The following NUP205 variants were observed in gnomAD, a reference collection of about 807,000 sequenced individuals.
The protein encoded by NUP205 is nucleoporin 205, also known as nuclear pore complex protein Nup205.
A neutral mutation model predicts 253.8 loss-of-function variants in NUP205; 76 were observed. That is an observed-to-expected ratio of 0.30 (90% CI 0.25 to 0.36). The LOEUF (loss-of-function observed/expected upper bound fraction) is 0.36, where lower values mean the gene tolerates loss of function less well. NUP205 is among the 10% of genes least tolerant of loss of function. The probability of loss-of-function intolerance (pLI) is 1.00; values close to 1 mark genes in which losing one functional copy is unlikely to be tolerated. For synonymous variants in NUP205, 832 were observed against 850.1 expected (o/e 0.98, Z 0.37); for missense variants, 2,162 against 2,425.5 (o/e 0.89, Z 2.28).
chr7:135,624,920 G>A (rs776431722), intron 31 of NUP205, among the ~76,000 whole-genome samples: 11 of 152,098 alleles, frequency 7.2e-5, no homozygotes, highest in African/African-American at 1.4e-4. Context: ...CTAGTTTAAC[G>A]TGTTAGGTTT....
rs575934909 is a variant in NUP205, at chr7:135,603,404, C to T, written c.2702+410C>T. 2.2e-4 allele frequency among the ~76,000 whole-genome samples: 34 copies of T among 151,128 alleles called. 1 individual carries two copies. The South Asian group carries it at 6.7e-3, about 30-fold the overall frequency. Reference sequence around the variant, plus strand: ...CTGGGATTATAGGCGTGAACCACCGCGCCCAGCCTTATTTTACTGTTGCCT... The same window carrying T: ...CTGGGATTATAGGCGTGAACCACCGTGCCCAGCCTTATTTTACTGTTGCCT... On this transcript the variant is annotated intron_variant, in intron 18 of 42. Coordinates refer to ENST00000285968, the MANE Select transcript of NUP205 (RefSeq NM_015135.3).
chr7:135,587,661 T>G lies in NUP205; in HGVS notation c.1305T>G (p.Leu435=). 6.2e-7 allele frequency: 1 copy of G among 1,609,892 alleles called. No individual in the cohort carries two copies. The highest frequency in any genetic ancestry group is 1.1e-5 in the South Asian group (1 of 90,300). The part of the protein sequence containing the change: ...MQMGNEPPIS[L]RRDLEHLMLL... Reference sequence around the variant, plus strand: ...TGGGTAATGAACCCCCCATTTCACTTAGAAGGGACCTGGAACACTTAATGC... The same window carrying G: ...TGGGTAATGAACCCCCCATTTCACTGAGAAGGGACCTGGAACACTTAATGC... Residue 435 remains leucine, a synonymous_variant, in exon 9 of 43, where the codon CTT becomes CTG. Transcript: ENST00000285968.
At chr7:135,560,113 C>T (rs1422124652) in intron 1 of NUP205, among the ~76,000 whole-genome samples, 1 of 152,140 alleles carries the variant, frequency 6.6e-6, no homozygotes, top group Non-Finnish European at 1.5e-5. Flanking sequence ...TCCCTTCAGC[C>T]TCCCAAAGTG....
Position 135,624,829 on chromosome 7 carries a change from C to T in NUP205, c.4480-335C>T, listed in dbSNP as rs189993664. ...CTGTAATGAGCATTATAAAACTTCA[C>T]AGTGAGAAAAAACAGCTGTTAAAAA... On this transcript the variant is annotated intron_variant, in intron 31 of 42. Coordinates refer to ENST00000285968, the MANE Select transcript of NUP205 (RefSeq NM_015135.3). 9.1e-4 allele frequency among the ~76,000 whole-genome samples: 139 copies of T among 152,234 alleles called. 1 individual carries two copies. The highest frequency in any genetic ancestry group is 3.1e-3 in the African/African-American group (127 of 41,544).
At chr7:135,645,041 C>T in intron 40 of NUP205, 23 bp downstream of exon 40, 2 of 1,612,384 alleles carry the variant, frequency 1.2e-6, no homozygotes, top group Non-Finnish European at 1.7e-6. Flanking sequence ...AAATCATGCA[C>T]TTGAATGATG....
chr7:135,573,215 T>A (rs1441110757), intron 2 of NUP205, among the ~76,000 whole-genome samples: 2 of 152,194 alleles, frequency 1.3e-5, no homozygotes, highest in Non-Finnish European at 2.9e-5. Context: ...GTTAAATATT[T>A]GCACCAAATT....
intron 38 of NUP205, among the ~76,000 whole-genome samples, chr7:135,642,236 CA>C (rs1468155412): frequency 6.8e-6 from 1 of 147,286 alleles, no homozygotes; most frequent in Non-Finnish European, 1.5e-5. Flanking sequence ...GGCTGGATGA[CA>C]GAGTAAGACT....
intron 10 of NUP205, among the ~76,000 whole-genome samples, chr7:135,590,165 G>A (rs1806588011): frequency 6.6e-6 from 1 of 151,024 alleles, no homozygotes; most frequent in South Asian, 2.1e-4. Flanking sequence ...AAGTTGGAGT[G>A]CAATGGCCTG....
chr7:135,629,692 A>G (rs910988237), intron 34 of NUP205, among the ~76,000 whole-genome samples: 1 of 151,928 alleles, frequency 6.6e-6, no homozygotes, highest in African/African-American at 2.4e-5. Flanking sequence ...GCATCTGACT[A>G]ATTTTTGTAT....
chr7:135,571,247 G>A lies in NUP205; in HGVS notation c.171G>A (p.Pro57=), dbSNP rs148030451. ...ACTTCATCTCATTGTTCAAAAATCC[G>A]GTAAGAAATTTTCTTTTTCAGTTTT... ...KPDFISLFKN[P]PKNVQQHEKV... The change falls in exon 2 of 43, where the codon CCG becomes CCA. Residue 57 remains proline, a splice_region_variant and synonymous_variant. Transcript: ENST00000285968. The A allele has an allele frequency of 1.0e-5, 14 of 1,388,158 alleles. No individual in the cohort carries two copies. The highest frequency in any genetic ancestry group is 2.9e-5 in the Admixed American group (1 of 35,026). The allele number at this position is 1,388,158 out of a possible 1,614,324, so 86.0% of individuals were successfully genotyped here.
intron 2 of NUP205, 62 bp from the exon 3 acceptor site, chr7:135,573,592 A>G (rs1806059861): frequency 7.9e-7 from 1 of 1,262,716 alleles, no homozygotes; most frequent in African/African-American, 1.5e-5. Flanking sequence ...TCTGTAGGTA[A>G]CACTTTGGGA....
chr7:135,613,168 A>G (rs1463619435), intron 22 of NUP205, among the ~76,000 whole-genome samples: 1 of 151,586 alleles, frequency 6.6e-6, no homozygotes, highest in Non-Finnish European at 1.5e-5. Context: ...CTGAAAACAG[A>G]TGGACATTTT....
intron 33 of NUP205, among the ~76,000 whole-genome samples, chr7:135,627,648 A>G (rs1447571937): frequency 6.6e-6 from 1 of 152,198 alleles, no homozygotes; most frequent in Non-Finnish European, 1.5e-5. Flanking sequence ...TCTGTTTCTT[A>G]CTTAACAGCC....
chr7:135,623,567 T>A (rs1794520157), intron 31 of NUP205, among the ~76,000 whole-genome samples: 1 of 152,188 alleles, frequency 6.6e-6, no homozygotes, highest in South Asian at 2.1e-4. Context: ...ACTGAATAGA[T>A]CTTTGTCTGC....
chr7:135,607,431 T>G, intron 22 of NUP205, 60 bp downstream of exon 22: 2 of 1,574,948 alleles, frequency 1.3e-6, no homozygotes, highest in Non-Finnish European at 1.7e-6. Context: ...GGTGCATGAG[T>G]ACGCCACAGA....
rs886788705 is a variant in NUP205 at position 135,576,471 on chromosome 7, A to G, written c.488+57A>G. The stretch of plus-strand genomic sequence containing the variant: ...ATTTGAAATTACTTGAAGTATGACA[A>G]TATTTCCCTTATTATATACAATCTG... On this transcript the variant is annotated intron_variant, in intron 4 of 42. Coordinates refer to ENST00000285968, the MANE Select transcript of NUP205 (RefSeq NM_015135.3). 2.1e-5 allele frequency: 31 copies of G among 1,474,800 alleles called. No homozygotes were observed. The African/African-American group carries it at 4.0e-4, about 19-fold the overall frequency. The allele number at this position is 1,474,800 out of a possible 1,614,324, so 91.4% of individuals were successfully genotyped here. A position where few individuals can be genotyped will look rare whatever the true frequency, so the allele number is the denominator to read the frequency against.
At chr7:135,638,180 C>A in intron 37 of NUP205, 121 bp downstream of exon 37, 2 of 997,752 alleles carry the variant, frequency 2.0e-6, no homozygotes, top group Non-Finnish European at 2.9e-6. Flanking sequence ...GAGGCCAAGG[C>A]GGATGGATCA....
At chr7:135,638,795 G>T (rs1794865389) in intron 38 of NUP205, 112 bp downstream of exon 38, 3 of 1,073,286 alleles carry the variant, frequency 2.8e-6, no homozygotes, top group Admixed American at 4.0e-5. Flanking sequence ...TGTCATTAAT[G>T]GGAAACATTT....
intron 13 of NUP205, among the ~76,000 whole-genome samples, chr7:135,595,833 G>T (rs1005508385): frequency 2.0e-5 from 3 of 152,066 alleles, no homozygotes; most frequent in African/African-American, 7.2e-5. Context: ...CTTTATAGAC[G>T]TATCTCTAGG....
Sources: allele counts gnomAD v4.1 joint callset (sites outside exome capture counted in the v4.1 genomes callset), GRCh38; gene constraint gnomAD v4.1.1; transcripts MANE v1.5; gene names NCBI Gene and HGNC (gene_info 2026-07-23, HGNC 2026-07-21).